TBXAS1: variants seen among roughly 807,000 people sequenced by gnomAD.
The protein encoded by TBXAS1 is thromboxane A synthase 1, also known as thromboxane-A synthase.
TBXAS1 carries 48 observed loss-of-function variants against 60.7 expected under a neutral mutation model. The ratio of observed to expected loss-of-function variants is 0.79; its 90% CI spans 0.63 to 1.01. The LOEUF is 1.01. Among genes scored for constraint, TBXAS1 ranks in the 50% least tolerant of loss-of-function variants. The probability of loss-of-function intolerance (pLI) is 0.00; values close to 1 mark genes in which losing one functional copy is unlikely to be tolerated. For synonymous variants in TBXAS1, 287 were observed against 269.7 expected (o/e 1.06, Z -0.63); for missense variants, 685 against 686.3 (o/e 1.00, Z 0.02).
chr7:139,981,787 C>CTGAA (rs1811998982), intron 9 of TBXAS1, among the ~76,000 whole-genome samples: 1 of 152,178 alleles, frequency 6.6e-6, no homozygotes, highest in African/African-American at 2.4e-5. Flanking sequence ...GGGCCTGGCC[C>CTGAA]TGAAGGTTTG....
chr7:139,811,710 A>G (rs780266937), intron 4 of TBXAS1, among the ~76,000 whole-genome samples: 3 of 152,110 alleles, frequency 2.0e-5, no homozygotes, highest in Admixed American at 6.6e-5. Flanking sequence ...ATAGAAAATG[A>G]CCTTTGGTGA....
At chr7:139,866,117 T>C (rs17161190) in intron 1 of TBXAS1, among the ~76,000 whole-genome samples, 9,353 of 152,206 alleles carry the variant, frequency 0.061, 778 homozygotes, top group African/African-American at 0.19. Flanking sequence ...GCAAAGGATA[T>C]ACCAACGGTA....
At position 139,853,711 on chromosome 7, in the gene TBXAS1, C is replaced by T. The variant is rs181587865; in HGVS notation, c.90-18524C>T. 3.5e-3 allele frequency among the ~76,000 whole-genome samples: 537 copies of T among 152,258 alleles called. 1 individual carries two copies. The highest frequency in any genetic ancestry group is 0.012 in the African/African-American group (503 of 41,528). On this transcript the variant is annotated intron_variant, in intron 1 of 12. Coordinates refer to ENST00000448866, the MANE Select transcript of TBXAS1 (RefSeq NM_001061.7). ...ACCGGAGGCAGATGTCCCTCTTTCA[C>T]CACAAGTCTCAGGGGTTCTTTAAGG...
At chr7:139,903,396 C>T (rs536741934) in intron 3 of TBXAS1, among the ~76,000 whole-genome samples, 14 of 152,214 alleles carry the variant, frequency 9.2e-5, no homozygotes, top group Non-Finnish European at 1.5e-4. Flanking sequence ...AGTTGTGCTG[C>T]TATGAACATG....
intron 5 of TBXAS1, among the ~76,000 whole-genome samples, chr7:139,951,671 G>A (rs1188173235): frequency 6.7e-6 from 1 of 148,322 alleles, no homozygotes; most frequent in Admixed American, 6.8e-5. Context: ...TACTTGGGAG[G>A]CTGAAGCAGG....
At chr7:139,793,034 GA>G (rs1468871331) in intron 4 of TBXAS1, among the ~76,000 whole-genome samples, 1 of 152,128 alleles carries the variant, frequency 6.6e-6, no homozygotes, top group African/African-American at 2.4e-5. Flanking sequence ...ATATGTAATT[GA>G]ATGGTTATCT....
chr7:139,993,892 CTT>C (rs71170931), intron 9 of TBXAS1, among the ~76,000 whole-genome samples: 2,418 of 111,636 alleles, frequency 0.022, 11 homozygotes, highest in Non-Finnish European at 0.029. Flanking sequence ...TTCTTTCTTT[CTT>C]TTTTTTTTTT....
chr7:140,017,878 A>C (rs543383932), intron 12 of TBXAS1, 45 bp downstream of exon 12: 7 of 1,612,322 alleles, frequency 4.3e-6, no homozygotes, highest in Non-Finnish European at 5.9e-6. Flanking sequence ...CAGGGGTGGG[A>C]GGGCCACCCC....
chr7:139,886,161 A>G (rs539023547), intron 3 of TBXAS1, among the ~76,000 whole-genome samples: 1 of 152,162 alleles, frequency 6.6e-6, no homozygotes, highest in Non-Finnish European at 1.5e-5. Context: ...AAACTTAACT[A>G]CGAAAATAAG....
intron 1 of TBXAS1, among the ~76,000 whole-genome samples, chr7:139,870,613 T>A (rs972595283): frequency 6.6e-6 from 1 of 152,234 alleles, no homozygotes; most frequent in South Asian, 2.1e-4. Flanking sequence ...ATCCTTGGCG[T>A]TCACGTGTGG....
chr7:140,008,890 G>A (rs1585049307), intron 10 of TBXAS1, among the ~76,000 whole-genome samples: 2 of 152,196 alleles, frequency 1.3e-5, no homozygotes, highest in Non-Finnish European at 2.9e-5. Flanking sequence ...GCCTTACAGG[G>A]CCCCAGAGCT....
At position 139,866,628 on chromosome 7, in the gene TBXAS1, C is replaced by T. The variant is rs1366378291; in HGVS notation, c.90-5607C>T. Among the ~76,000 whole-genome samples, 7 of 151,080 alleles carry T rather than the reference C, an allele frequency of 4.6e-5. No individual in the cohort carries two copies. The East Asian group carries it at 1.4e-3, about 29-fold the overall frequency. On this transcript the variant is annotated intron_variant, in intron 1 of 12. Transcript: ENST00000448866. ...AAAAAATTAGCCACCTGTGGTTGCGCACACCTGTAGTCCCAGCTACTTCGG... is the reference window on the plus strand; with the variant it reads ...AAAAAATTAGCCACCTGTGGTTGCGTACACCTGTAGTCCCAGCTACTTCGG...
At chr7:139,937,133 C>T (rs1020348622) in intron 5 of TBXAS1, among the ~76,000 whole-genome samples, 1 of 152,174 alleles carries the variant, frequency 6.6e-6, no homozygotes, top group Non-Finnish European at 1.5e-5. Flanking sequence ...TTGGTGTTTG[C>T]TGTTCTGAAT....
At chr7:139,885,457 C>T (rs1803017296) in intron 3 of TBXAS1, among the ~76,000 whole-genome samples, 1 of 152,170 alleles carries the variant, frequency 6.6e-6, no homozygotes, top group African/African-American at 2.4e-5. Context: ...TTTGTCAAGG[C>T]ATTCTCCCAT....
At chr7:139,812,863 C>G (rs924045161) in intron 4 of TBXAS1, among the ~76,000 whole-genome samples, 3 of 151,992 alleles carry the variant, frequency 2.0e-5, no homozygotes, top group African/African-American at 7.2e-5. Flanking sequence ...TCAAGGCCAG[C>G]CTGGCCATCA....
At chr7:139,937,929 G>A (rs965931687) in intron 5 of TBXAS1, among the ~76,000 whole-genome samples, 1 of 152,006 alleles carries the variant, frequency 6.6e-6, no homozygotes, top group African/African-American at 2.4e-5. Context: ...GAAAGCTGGG[G>A]GGTGGGGGAG....
intron 3 of TBXAS1, among the ~76,000 whole-genome samples, chr7:139,905,716 G>C (rs1482255926): frequency 6.6e-6 from 1 of 152,108 alleles, no homozygotes; most frequent in Non-Finnish European, 1.5e-5. Context: ...TGAATGTCTG[G>C]TAGAATTCTG....
At chr7:139,998,129 A>G (rs1813425167) in intron 9 of TBXAS1, among the ~76,000 whole-genome samples, 1 of 152,234 alleles carries the variant, frequency 6.6e-6, no homozygotes, top group African/African-American at 2.4e-5. Flanking sequence ...GCCTGCATGG[A>G]AATATTTCAT....
intron 9 of TBXAS1, among the ~76,000 whole-genome samples, chr7:140,003,123 T>TA (rs1569524262): frequency 4.2e-5 from 5 of 119,424 alleles, no homozygotes; most frequent in African/African-American, 9.5e-5. Flanking sequence ...AAACTCCGTC[T>TA]CAAAAAAAAA....
Sources: allele counts gnomAD v4.1 joint callset (sites outside exome capture counted in the v4.1 genomes callset), GRCh38; gene constraint gnomAD v4.1.1; transcripts MANE v1.5; gene names NCBI Gene and HGNC (gene_info 2026-07-23, HGNC 2026-07-21).